The following TTC17 variants were observed in gnomAD, a reference collection of about 807,000 sequenced individuals.
TTC17 encodes tetratricopeptide repeat protein 17.
Under a neutral mutation model 143.8 loss-of-function variants are expected in TTC17, and 58 were observed. The observed-to-expected ratio is 0.40, with a 90% CI of 0.33 to 0.50. The LOEUF is 0.50. TTC17 is among the 20% of genes least tolerant of loss of function. The probability of loss-of-function intolerance (pLI) is 0.49; values close to 1 mark genes in which losing one functional copy is unlikely to be tolerated. For missense variants in TTC17, 1,273 were observed against 1,392.5 expected (o/e 0.91, Z 1.37); for synonymous variants, 501 against 497.8 (o/e 1.01, Z -0.09).
In TTC17 at chr11:43,397,396, G is replaced by A. The variant is rs1438202963; in HGVS notation, c.823G>A (p.Ala275Thr). 3.1e-6 allele frequency: 5 copies of A among 1,612,976 alleles called. No homozygotes were observed. Among genetic ancestry groups the A allele is most frequent in the Non-Finnish European group, 4.2e-6 (5 of 1,179,998 alleles). ...LVNLANVLHR[A>T]HFSADAAVVV... ...CAACCTGGCAAACGTTCTACACAGA[G>A]CACACTTCTCTGCTGATGCTGCTGT... is the stretch of plus-strand genomic sequence containing the variant. Residue 275 changes from alanine to threonine, a missense_variant, in exon 7 of 24, where the codon GCA (alanine) becomes ACA (threonine). Ala to Thr is a moderately conservative substitution (Grantham distance 58, BLOSUM62 0). Coordinates refer to ENST00000039989, the MANE Select transcript of TTC17 (RefSeq NM_018259.6).
At chr11:43,485,888 T>G (rs940193251) in intron 21 of TTC17, among the ~76,000 whole-genome samples, 8 of 149,348 alleles carry the variant, frequency 5.4e-5, no homozygotes, top group East Asian at 1.9e-4. Flanking sequence ...TTTTTGTTTT[T>G]TTTTTTTTTT....
chr11:43,463,997 G>A (rs868720291), intron 21 of TTC17, among the ~76,000 whole-genome samples: 2 of 152,060 alleles, frequency 1.3e-5, no homozygotes, highest in South Asian at 2.1e-4. Context: ...TCCATTCCAC[G>A]GGGCGTGGTG....
At position 43,444,104 on chromosome 11, in the gene TTC17, A is replaced by C. The variant is rs200212646; in HGVS notation, c.2560A>C (p.Lys854Gln). The change falls in exon 18 of 24, where the codon AAA becomes CAA. Residue 854 changes from lysine (K) to glutamine (Q), a missense_variant. By Grantham distance (53) the Lys-to-Gln change is moderately conservative. Around this residue, in one of 3 missense-constraint regions of TTC17, gnomAD observed 878 missense variants for 899.8 expected, o/e 0.98. Transcript: ENST00000039989. ...RVKKPKGDHK[K>Q]TPGKKVETGQ... Reference sequence around the variant, plus strand: ...AAAGAAACCCAAAGGAGATCATAAGAAAACTCCTGGGAAAAAAGTAGAAAC... The same window carrying C: ...AAAGAAACCCAAAGGAGATCATAAGCAAACTCCTGGGAAAAAAGTAGAAAC... 1.6e-4 allele frequency: 257 copies of C among 1,613,394 alleles called. No homozygotes were observed. The highest frequency in any genetic ancestry group is 2.1e-4 in the Non-Finnish European group (250 of 1,179,756).
At chr11:43,426,786 G>GA (rs1401379730) in intron 16 of TTC17, among the ~76,000 whole-genome samples, 1 of 152,072 alleles carries the variant, frequency 6.6e-6, no homozygotes, top group African/African-American at 2.4e-5. Flanking sequence ...AATTTGAGGA[G>GA]AAAAAAAGAC....
chr11:43,493,547 C>T (rs1316770771), intron 23 of TTC17, among the ~76,000 whole-genome samples: 1 of 152,120 alleles, frequency 6.6e-6, no homozygotes, highest in Non-Finnish European at 1.5e-5. Context: ...TGGGCTCTGC[C>T]GTAGTTTCCT....
chr11:43,459,690 T>TGG (rs1947828543), intron 21 of TTC17, among the ~76,000 whole-genome samples: 1 of 152,202 alleles, frequency 6.6e-6, no homozygotes, highest in Non-Finnish European at 1.5e-5. Flanking sequence ...GTCGTCCACT[T>TGG]ATGATGGTTC....
intron 16 of TTC17, 91 bp from the exon 17 acceptor site, chr11:43,443,234 A>G: frequency 6.6e-7 from 1 of 1,508,578 alleles, no homozygotes; most frequent in East Asian, 2.3e-5. Context: ...AGCAGAGCCA[A>G]AACGTTTCTC....
At position 43,393,394 on chromosome 11, in the gene TTC17, A is replaced by G. The variant is rs189465166; in HGVS notation, c.663+1442A>G. ...TAAAGGATGCAATTCAGGAACAGCCAAAGGCATAAGCCAGGGAATAGGGGG... is the reference window on the plus strand; with the variant it reads ...TAAAGGATGCAATTCAGGAACAGCCGAAGGCATAAGCCAGGGAATAGGGGG... On this transcript the variant is annotated intron_variant, in intron 5 of 23. Transcript: ENST00000039989. Among the ~76,000 whole-genome samples the G allele has an allele frequency of 4.0e-3, 602 of 152,296 alleles. 3 individuals carry two copies. The highest frequency in any genetic ancestry group is 7.0e-3 in the Non-Finnish European group (476 of 68,024).
intron 21 of TTC17, chr11:43,486,534 G>A (rs528624582): frequency 1.2e-4 from 40 of 333,064 alleles, no homozygotes; most frequent in Non-Finnish European, 2.4e-4. Context: ...ATACATGTAT[G>A]TCAGAGATAG....
At chr11:43,403,834 C>T (rs1857984930) in intron 10 of TTC17, among the ~76,000 whole-genome samples, 164 bp from the exon 11 acceptor site, 2 of 131,770 alleles carry the variant, frequency 1.5e-5, no homozygotes, top group Admixed American at 7.5e-5. Context: ...GAAAGAATAT[C>T]GTTGGGGCAT....
chr11:43,415,370 A>G (rs760489910), intron 16 of TTC17, among the ~76,000 whole-genome samples: 3 of 152,148 alleles, frequency 2.0e-5, no homozygotes, highest in Non-Finnish European at 4.4e-5. Context: ...CGTTATTAGA[A>G]CCTTCTTTCT....
At chr11:43,367,747 T>C (rs1279088675) in intron 1 of TTC17, among the ~76,000 whole-genome samples, 1 of 151,166 alleles carries the variant, frequency 6.6e-6, no homozygotes, top group Non-Finnish European at 1.5e-5. Flanking sequence ...TGTGTGTGTG[T>C]CTCTTTTACA....
chr11:43,472,617 C>CA (rs1390027662), intron 21 of TTC17, among the ~76,000 whole-genome samples: 4 of 151,906 alleles, frequency 2.6e-5, no homozygotes, highest in Non-Finnish European at 4.4e-5. Flanking sequence ...ATTAAGCAGA[C>CA]AAAAAAATCA....
intron 16 of TTC17, among the ~76,000 whole-genome samples, chr11:43,416,097 G>C (rs1946772237): frequency 6.6e-6 from 1 of 152,100 alleles, no homozygotes; most frequent in Admixed American, 6.6e-5. Flanking sequence ...AATACAAGGT[G>C]CTCAGAACTT....
At chr11:43,481,265 ATC>A (rs1365332218) in intron 21 of TTC17, among the ~76,000 whole-genome samples, 9 of 152,182 alleles carry the variant, frequency 5.9e-5, no homozygotes, top group Non-Finnish European at 8.8e-5. Context: ...GAAATTGCAA[ATC>A]TGTCAACATA....
At chr11:43,407,109 T>A (rs1858176577) in intron 13 of TTC17, 29 bp from the exon 14 acceptor site, 2 of 1,466,058 alleles carry the variant, frequency 1.4e-6, no homozygotes, top group Non-Finnish European at 9.3e-7. Flanking sequence ...TTATTTTCAA[T>A]TGAGTCAGTC....
At chr11:43,432,921 C>T (rs918980764) in intron 16 of TTC17, among the ~76,000 whole-genome samples, 1 of 152,176 alleles carries the variant, frequency 6.6e-6, no homozygotes, top group South Asian at 2.1e-4. Flanking sequence ...ATTCAACTAT[C>T]GCCAAGCTAC....
chr11:43,426,756 A>G (rs573275151), intron 16 of TTC17, among the ~76,000 whole-genome samples: 2 of 152,334 alleles, frequency 1.3e-5, no homozygotes, highest in Admixed American at 1.3e-4. Context: ...ATTTCAAGAT[A>G]CTGTCCTTGT....
intron 22 of TTC17, chr11:43,490,877 A>C (rs1196770553): frequency 6.6e-6 from 1 of 151,634 alleles, no homozygotes; most frequent in East Asian, 1.9e-4. Context: ...AAAAAAAAAA[A>C]AAAAACCGGC....
Sources: allele counts gnomAD v4.1 joint callset (sites outside exome capture counted in the v4.1 genomes callset), GRCh38; gene constraint gnomAD v4.1.1; regional missense constraint gnomAD v4.1.1; transcripts MANE v1.5; gene names NCBI Gene and HGNC (gene_info 2026-07-23, HGNC 2026-07-21).